Variants in PCDHA2 observed in about 807,000 individuals in gnomAD.
The protein encoded by PCDHA2 is protocadherin alpha 2, also known as protocadherin alpha-2.
A neutral mutation model predicts 66.0 loss-of-function variants in PCDHA2; 58 were observed. That is an observed-to-expected ratio of 0.88 (90% CI 0.71 to 1.09). The LOEUF (loss-of-function observed/expected upper bound fraction) is 1.09, where lower values mean the gene tolerates loss of function less well. Among genes scored for constraint, PCDHA2 ranks in the 50% least tolerant of loss-of-function variants. PCDHA2 has a pLI of 0.00. For synonymous variants in PCDHA2, 634 were observed against 554.0 expected, an observed-to-expected ratio of 1.14 and a Z score of -2.03; for missense variants, 1,267 against 1,242.3, an observed-to-expected ratio of 1.02 and a Z score of -0.30.
intron 1 of PCDHA2, chr5:140,968,948 A>G (rs1554231262): frequency 2.5e-6 from 4 of 1,614,064 alleles, no homozygotes; most frequent in East Asian, 4.5e-5. Flanking sequence ...CATTTTGAGC[A>G]TCATCAAGTG....
At chr5:140,922,336 A>G (rs1554200779) in intron 1 of PCDHA2, among the ~76,000 whole-genome samples, 2 of 152,226 alleles carry the variant, frequency 1.3e-5, no homozygotes, top group African/African-American at 4.8e-5. Context: ...GGGTTGGTAT[A>G]TTGGTATTTT....
chr5:140,845,513 G>A (rs2150211324), intron 1 of PCDHA2, among the ~76,000 whole-genome samples: 1 of 149,564 alleles, frequency 6.7e-6, no homozygotes, highest in African/African-American at 2.4e-5. Context: ...CCTATTTCTT[G>A]TACATTAATA....
At chr5:140,916,009 C>CA (rs541727470) in intron 1 of PCDHA2, among the ~76,000 whole-genome samples, 78 of 152,190 alleles carry the variant, frequency 5.1e-4, no homozygotes, top group Non-Finnish European at 9.6e-4. Flanking sequence ...AACCACAAGA[C>CA]AAAGTCTTTC....
chr5:140,910,546 A>G (rs2075078968), intron 1 of PCDHA2, among the ~76,000 whole-genome samples: 1 of 152,198 alleles, frequency 6.6e-6, no homozygotes, highest in Non-Finnish European at 1.5e-5. Context: ...CTATTTTGCA[A>G]AGTATTAGTC....
At chr5:140,804,916 C>CT in intron 1 of PCDHA2, 2 of 946,482 alleles carry the variant, frequency 2.1e-6, no homozygotes, top group Non-Finnish European at 2.9e-6. Flanking sequence ...TCTTTATTTC[C>CT]TTTTTTGGCA....
chr5:140,801,682 T>C (rs563939423), intron 1 of PCDHA2: 71 of 1,614,094 alleles, frequency 4.4e-5, no homozygotes, highest in Middle Eastern at 1.6e-4. Flanking sequence ...GATGCAGATA[T>C]CGGAACAAAT....
chr5:140,795,531 C>T lies in PCDHA2; in HGVS notation c.567C>T (p.Ser189=), dbSNP rs147027927. The T allele has an allele frequency of 2.4e-4, 383 of 1,613,926 alleles. 1 individual carries two copies. The highest frequency in any genetic ancestry group is 3.0e-4 in the Non-Finnish European group (356 of 1,180,016). Residue 189 remains serine (S), a synonymous_variant, in exon 1 of 4, where the codon AGC becomes AGT. Coordinates refer to ENST00000526136, the MANE Select transcript of PCDHA2 (RefSeq NM_018905.3). ...FLDIQANDEL[S]ESLSLVLGKS... ...ATATACAGGCAAATGATGAACTAAG[C>T]GAATCTTTGTCTCTCGTGCTGGGGA...
At chr5:140,953,952 C>G (rs1025145135) in intron 1 of PCDHA2, among the ~76,000 whole-genome samples, 1 of 152,084 alleles carries the variant, frequency 6.6e-6, no homozygotes, top group Non-Finnish European at 1.5e-5. Flanking sequence ...GCTCCCCCAA[C>G]AGGCCCCAGT....
At chr5:140,942,681 A>G (rs1554215168) in intron 1 of PCDHA2, among the ~76,000 whole-genome samples, 1 of 152,206 alleles carries the variant, frequency 6.6e-6, no homozygotes, top group African/African-American at 2.4e-5. Flanking sequence ...AGTTTTAGGA[A>G]TAACTTTAAT....
intron 3 of PCDHA2, among the ~76,000 whole-genome samples, chr5:140,983,802 A>G (rs2097069375): frequency 6.6e-6 from 1 of 152,246 alleles, no homozygotes; most frequent in South Asian, 2.1e-4. Context: ...ATGTGTGTGT[A>G]AAAGGTTTTT....
intron 1 of PCDHA2, among the ~76,000 whole-genome samples, chr5:140,952,513 A>G (rs533436826): frequency 6.6e-6 from 1 of 152,028 alleles, no homozygotes; most frequent in Non-Finnish European, 1.5e-5. Flanking sequence ...CCTCATCTCC[A>G]TCTGAGACCT....
At chr5:140,921,704 A>T (rs1465184855) in intron 1 of PCDHA2, among the ~76,000 whole-genome samples, 8 of 152,234 alleles carry the variant, frequency 5.3e-5, no homozygotes, top group African/African-American at 1.9e-4. Flanking sequence ...AATTTTAAAC[A>T]GTAAACACAC....
At chr5:140,995,515 C>T (rs1476035141) in intron 3 of PCDHA2, among the ~76,000 whole-genome samples, 2 of 152,078 alleles carry the variant, frequency 1.3e-5, no homozygotes, top group East Asian at 1.9e-4. Context: ...TAACTGAAGC[C>T]TCAGAAATCA....
At chr5:140,843,431 A>G (rs1554140071) in intron 1 of PCDHA2, 3 of 1,596,040 alleles carry the variant, frequency 1.9e-6, no homozygotes, top group South Asian at 1.1e-5. Flanking sequence ...GATCATCGCC[A>G]TCTGCGCGGT....
chr5:140,795,754 T>A lies in PCDHA2; in HGVS notation c.790T>A (p.Leu264Ile), dbSNP rs182370314. The A allele has an allele frequency of 1.1e-5, 17 of 1,614,058 alleles. No individual in the cohort carries two copies. Among genetic ancestry groups the A allele is most frequent in the Non-Finnish European group, 1.4e-5 (17 of 1,180,016 alleles). The change falls in exon 1 of 4, where the codon TTA becomes ATA. Residue 264 changes from leucine (L) to isoleucine (I), a missense_variant. Coordinates refer to ENST00000526136, the MANE Select transcript of PCDHA2 (RefSeq NM_018905.3). ...NTANGTLVVK[L>I]NASDADEGPN... ...GGCAAATGGGACCTTAGTGGTTAAG[T>A]TAAACGCTTCTGATGCAGATGAAGG...
Position 140,824,208 on chromosome 5 carries a change from T to A in PCDHA2, c.2388+26856T>A, listed in dbSNP as rs1554129802. ...GTCACATTCACCCACTTTTTTTGTA[T>A]TTAAAAATTATGTCTTAGTACACAA... On this transcript the variant is annotated intron_variant, in intron 1 of 3. Transcript: ENST00000526136. 4 of 1,587,540 alleles carry A rather than the reference T, an allele frequency of 2.5e-6. No homozygotes were observed. In the Admixed American group the frequency reaches 6.7e-5, roughly 27 times the overall value.
chr5:140,947,290 T>G (rs1554218137), intron 1 of PCDHA2, among the ~76,000 whole-genome samples: 2 of 151,614 alleles, frequency 1.3e-5, no homozygotes, highest in Non-Finnish European at 3.0e-5. Context: ...TTTTATTGCA[T>G]TATCTTGACA....
intron 3 of PCDHA2, among the ~76,000 whole-genome samples, chr5:140,984,016 T>G (rs2153832874): frequency 6.6e-6 from 1 of 152,280 alleles, no homozygotes; most frequent in Non-Finnish European, 1.5e-5. Context: ...TATTGCCAGA[T>G]TGCAAGGGGA....
intron 1 of PCDHA2, among the ~76,000 whole-genome samples, chr5:140,925,244 G>A (rs1403438242): frequency 1.3e-5 from 2 of 152,070 alleles, no homozygotes; most frequent in African/African-American, 4.8e-5. Context: ...AATATGTCCT[G>A]GAAACTTTAA....
Sources: allele counts gnomAD v4.1 joint callset (sites outside exome capture counted in the v4.1 genomes callset), GRCh38; gene constraint gnomAD v4.1.1; transcripts MANE v1.5; gene names NCBI Gene and HGNC (gene_info 2026-07-23, HGNC 2026-07-21).